CDH12: variants seen among roughly 807,000 people sequenced by gnomAD.
The protein encoded by CDH12 is cadherin-12.
CDH12 carries 41 observed loss-of-function variants against 74.1 expected under a neutral mutation model. The ratio of observed to expected loss-of-function variants is 0.55; its 90% CI spans 0.43 to 0.72. The LOEUF is 0.72. Among genes scored for constraint, CDH12 ranks in the 30% least tolerant of loss-of-function variants. CDH12 has a pLI of 0.00. For missense variants in CDH12, 945 were observed against 977.2 expected (o/e 0.97, Z 0.44); for synonymous variants, 399 against 355.0 (o/e 1.12, Z -1.39).
chr5:22,545,682 T>G (rs1265204966), intron 1 of CDH12, among the ~76,000 whole-genome samples: 1 of 152,214 alleles, frequency 6.6e-6, no homozygotes, highest in Non-Finnish European at 1.5e-5. Context: ...ATCCATAAAT[T>G]ATCTCCTTTT....
intron 6 of CDH12, among the ~76,000 whole-genome samples, chr5:21,951,134 A>G (rs1408073092): frequency 6.6e-6 from 1 of 152,084 alleles, no homozygotes; most frequent in Admixed American, 6.6e-5. Flanking sequence ...TGCATTTTTA[A>G]ATATTTTACA....
At chr5:22,657,140 G>A (rs1367946955) in intron 1 of CDH12, among the ~76,000 whole-genome samples, 2 of 152,156 alleles carry the variant, frequency 1.3e-5, no homozygotes, top group Non-Finnish European at 2.9e-5. Context: ...ACTATTAAGT[G>A]AAATTGCCAG....
chr5:22,747,902 T>A (rs930079196), intron 1 of CDH12, among the ~76,000 whole-genome samples: 1 of 152,196 alleles, frequency 6.6e-6, no homozygotes. Flanking sequence ...TTTCAAATTC[T>A]TATATTCTGG....
chr5:21,770,991 G>A (rs1337397052), intron 11 of CDH12, among the ~76,000 whole-genome samples: 1 of 152,110 alleles, frequency 6.6e-6, no homozygotes, highest in Non-Finnish European at 1.5e-5. Context: ...GTTCTCAATT[G>A]TAAGTGGGAA....
chr5:22,319,648 T>C (rs1318796736), intron 3 of CDH12, among the ~76,000 whole-genome samples: 1 of 152,184 alleles, frequency 6.6e-6, no homozygotes, highest in African/African-American at 2.4e-5. Flanking sequence ...ACTAATAACA[T>C]ATTTTTCAAA....
chr5:22,460,713 ATTTTTTTT>A (rs3039460), intron 2 of CDH12, among the ~76,000 whole-genome samples: 12 of 85,622 alleles, frequency 1.4e-4, no homozygotes, highest in African/African-American at 5.6e-4. Flanking sequence ...ATATCTAGCA[ATTTTTTTT>A]TTTTTTTTTT....
chr5:21,828,901 C>A (rs78185450), intron 8 of CDH12, among the ~76,000 whole-genome samples: 11,837 of 121,128 alleles, frequency 0.098, 664 homozygotes, highest in East Asian at 0.19. Context: ...CCCTTTAAAT[C>A]CTATGTCTTT....
At chr5:22,684,645 A>G (rs115157004) in intron 1 of CDH12, among the ~76,000 whole-genome samples, 1,918 of 152,320 alleles carry the variant, frequency 0.013, 35 homozygotes, top group African/African-American at 0.044. Context: ...TCTCAAAGAA[A>G]TGTCAATGCA....
chr5:22,475,480 T>C (rs1746131018), intron 2 of CDH12, among the ~76,000 whole-genome samples: 1 of 151,986 alleles, frequency 6.6e-6, no homozygotes, highest in African/African-American at 2.4e-5. Context: ...ATATTGACTA[T>C]ATTAATATAA....
intron 5 of CDH12, among the ~76,000 whole-genome samples, chr5:22,018,237 T>C (rs1057030594): frequency 1.3e-5 from 2 of 152,190 alleles, no homozygotes; most frequent in Non-Finnish European, 2.9e-5. Context: ...AATTTCCCTC[T>C]CTATGATAAA....
At chr5:21,909,619 T>C (rs1396696191) in intron 6 of CDH12, among the ~76,000 whole-genome samples, 3 of 152,118 alleles carry the variant, frequency 2.0e-5, no homozygotes, top group Non-Finnish European at 4.4e-5. Flanking sequence ...GAAATACTAA[T>C]AAAATTTGGG....
At chr5:22,609,296 G>A (rs574370856) in intron 1 of CDH12, among the ~76,000 whole-genome samples, 3 of 152,124 alleles carry the variant, frequency 2.0e-5, no homozygotes, top group Non-Finnish European at 4.4e-5. Context: ...CACTGCTTAA[G>A]CTGGGAAAGC....
intron 1 of CDH12, among the ~76,000 whole-genome samples, chr5:22,837,988 C>T (rs1736908358): frequency 6.6e-6 from 1 of 152,046 alleles, no homozygotes; most frequent in African/African-American, 2.4e-5. Context: ...TGAGAATTGA[C>T]CAGAAATGCA....
intron 5 of CDH12, among the ~76,000 whole-genome samples, chr5:22,061,607 G>A (rs139219300): frequency 6.6e-6 from 1 of 152,100 alleles, no homozygotes; most frequent in East Asian, 1.9e-4. Context: ...TCCCACTGGG[G>A]TTCATTTCTT....
intron 4 of CDH12, among the ~76,000 whole-genome samples, chr5:22,124,632 C>G (rs893138720): frequency 1.3e-5 from 2 of 152,164 alleles, no homozygotes; most frequent in Admixed American, 6.5e-5. Context: ...ATGTTGCTTT[C>G]CTTCTTCCTT....
At chr5:22,319,630 G>A (rs1738779452) in intron 3 of CDH12, among the ~76,000 whole-genome samples, 1 of 152,118 alleles carries the variant, frequency 6.6e-6, no homozygotes, top group African/African-American at 2.4e-5. Context: ...ACATTATATT[G>A]TGATTAGACT....
At chr5:22,052,433 T>C (rs188474424) in intron 5 of CDH12, among the ~76,000 whole-genome samples, 30 of 152,238 alleles carry the variant, frequency 2.0e-4, no homozygotes, top group Non-Finnish European at 3.7e-4. Flanking sequence ...CCACCCTGCC[T>C]CCCTCTAATC....
chr5:21,829,305 TA>T (rs373246195), intron 8 of CDH12, among the ~76,000 whole-genome samples: 375 of 151,482 alleles, frequency 2.5e-3, no homozygotes, highest in Non-Finnish European at 3.9e-3. Context: ...CATTTCAAAA[TA>T]AAAAACAAAA....
At chr5:22,228,562 G>T (rs1322658526) in intron 3 of CDH12, among the ~76,000 whole-genome samples, 2 of 152,044 alleles carry the variant, frequency 1.3e-5, no homozygotes, top group South Asian at 2.1e-4. Flanking sequence ...TTTTATAAAA[G>T]AATACTATAA....
Sources: allele counts gnomAD v4.1 joint callset (sites outside exome capture counted in the v4.1 genomes callset), GRCh38; gene constraint gnomAD v4.1.1; transcripts MANE v1.5; gene names NCBI Gene and HGNC (gene_info 2026-07-23, HGNC 2026-07-21).